SLC35F5: variants seen among roughly 807,000 people sequenced by gnomAD.
SLC35F5 encodes the protein solute carrier family 35 member F5.
A neutral mutation model predicts 68.6 loss-of-function variants in SLC35F5; 54 were observed. The observed-to-expected ratio is 0.79, with a 90% CI of 0.63 to 0.99. SLC35F5 has a LOEUF of 0.99. SLC35F5 is among the 50% of genes least tolerant of loss of function. SLC35F5 has a pLI of 0.00. For missense variants in SLC35F5, 567 were observed against 626.9 expected, an observed-to-expected ratio of 0.90 and a Z score of 1.02; for synonymous variants, 211 against 205.2, an observed-to-expected ratio of 1.03 and a Z score of -0.24.
intron 4 of SLC35F5, 78 bp downstream of exon 4, chr2:113,750,347 G>A: frequency 2.2e-6 from 3 of 1,333,638 alleles, no homozygotes; most frequent in Non-Finnish European, 3.0e-6. Flanking sequence ...CGTCCTTAAA[G>A]AAACTAATAC....
At position 113,708,135 on chromosome 2, in the gene SLC35F5, A is replaced by T. The variant is rs1316557353; in HGVS notation, c.*7083T>A. On this transcript the variant is annotated 3_prime_UTR_variant, in exon 16 of 16. Coordinates refer to ENST00000245680, the MANE Select transcript of SLC35F5 (RefSeq NM_025181.5). ...GGCACCCCACAGTCAGCAGTTTAAG[A>T]CCATTCTGGATGAATGCAAATGCTT... 6.6e-6 allele frequency among the ~76,000 whole-genome samples: 1 copy of T among 152,114 alleles called. No homozygotes were observed. Among genetic ancestry groups the T allele is most frequent in the East Asian group, 1.9e-4 (1 of 5,182 alleles).
intron 13 of SLC35F5, among the ~76,000 whole-genome samples, chr2:113,722,306 A>G (rs1212809431): frequency 1.3e-5 from 2 of 152,152 alleles, no homozygotes; most frequent in African/African-American, 4.8e-5. Flanking sequence ...TAAAATTTTG[A>G]TTATTGCTTG....
intron 6 of SLC35F5, 145 bp downstream of exon 6, chr2:113,743,568 C>A: frequency 3.6e-6 from 2 of 549,702 alleles, no homozygotes; most frequent in Non-Finnish European, 3.3e-6. Context: ...ATTCACAATC[C>A]AGTCAAACTT....
intron 9 of SLC35F5, among the ~76,000 whole-genome samples, chr2:113,731,950 G>T (rs1311335215): frequency 6.6e-6 from 1 of 152,072 alleles, no homozygotes; most frequent in South Asian, 2.1e-4. Context: ...ACTTGACCAA[G>T]ATCACATAGC....
rs980592940 is a variant in SLC35F5, at chr2:113,713,244, G to A, written c.*1974C>T. 6.6e-6 allele frequency: 1 copy of A among 152,190 alleles called. No individual in the cohort carries two copies. The highest frequency in any genetic ancestry group is 2.4e-5 in the African/African-American group (1 of 41,440). The allele number at this position is 152,190 out of a possible 1,614,324, so 9.4% of individuals were successfully genotyped here. On this transcript the variant is annotated 3_prime_UTR_variant, in exon 16 of 16. Coordinates refer to ENST00000245680, the MANE Select transcript of SLC35F5 (RefSeq NM_025181.5). Reference sequence around the variant, plus strand: ...TTTTTGTTTTTTAAGAAACAGAAAAGCAGCAGTATAATGAAAGAAGATTGG... The same window carrying A: ...TTTTTGTTTTTTAAGAAACAGAAAAACAGCAGTATAATGAAAGAAGATTGG...
At chr2:113,755,090 G>C (rs141329590) in intron 3 of SLC35F5, 75 bp downstream of exon 3, 1 of 1,428,272 alleles carries the variant, frequency 7.0e-7, no homozygotes. Flanking sequence ...AGATTGTAAC[G>C]GCTAGAGTTA....
At chr2:113,748,501 C>T (rs1327704471) in intron 4 of SLC35F5, among the ~76,000 whole-genome samples, 1 of 152,104 alleles carries the variant, frequency 6.6e-6, no homozygotes, top group Admixed American at 6.6e-5. Flanking sequence ...AAAATACACA[C>T]ATGAAAAGAA....
chr2:113,718,402 A>G (rs1488533597), intron 14 of SLC35F5, among the ~76,000 whole-genome samples: 1 of 152,198 alleles, frequency 6.6e-6, no homozygotes, highest in Admixed American at 6.5e-5. Context: ...TTTCATTCTT[A>G]AAAAGAAAGA....
chr2:113,704,449 G>A (rs1436511491), downstream of SLC35F5, among the ~76,000 whole-genome samples: 1 of 152,230 alleles, frequency 6.6e-6, no homozygotes, highest in African/African-American at 2.4e-5. Context: ...GGTAGTTGAT[G>A]GGACTGGGCA....
intron 4 of SLC35F5, among the ~76,000 whole-genome samples, chr2:113,748,587 C>A (rs1218553028): frequency 6.6e-6 from 1 of 152,120 alleles, no homozygotes; most frequent in Admixed American, 6.5e-5. Context: ...TTTTGTTTCT[C>A]TGTAGCGTCT....
chr2:113,723,033 A>G, intron 13 of SLC35F5, 71 bp downstream of exon 13: 1 of 1,021,740 alleles, frequency 9.8e-7, no homozygotes, highest in South Asian at 2.2e-5. Flanking sequence ...ATTTAATCAC[A>G]TCTCAACTTT....
intron 8 of SLC35F5, 138 bp from the exon 9 acceptor site, chr2:113,734,811 G>C: frequency 1.7e-6 from 1 of 603,816 alleles, no homozygotes; most frequent in East Asian, 2.8e-5. Context: ...CTAAGAAAAT[G>C]ACTGCAGTTA....
chr2:113,728,451 C>A (rs1687752048), intron 11 of SLC35F5, among the ~76,000 whole-genome samples: 1 of 152,144 alleles, frequency 6.6e-6, no homozygotes, highest in Admixed American at 6.5e-5. Flanking sequence ...TAAGAAAAAT[C>A]TTTACTATAA....
chr2:113,716,361 C>G (rs1687183048), intron 15 of SLC35F5, among the ~76,000 whole-genome samples: 1 of 152,186 alleles, frequency 6.6e-6, no homozygotes, highest in Non-Finnish European at 1.5e-5. Context: ...AGGGTAGTAA[C>G]AGAGAATCTC....
intron 11 of SLC35F5, among the ~76,000 whole-genome samples, chr2:113,727,727 A>AATCCTGTC (rs544741258): frequency 1.5e-3 from 225 of 152,288 alleles, no homozygotes; most frequent in African/African-American, 4.1e-3. Flanking sequence ...AACTTCTCCG[A>AATCCTGTC]ATCCTGTCTA....
rs1687516302 is a variant in SLC35F5 at position 113,723,152 on chromosome 2, TAGTGCA to T, written c.1287_1292del (p.Ala430_Leu431del). 2 of 1,595,492 alleles carry T rather than the reference TAGTGCA, an allele frequency of 1.3e-6. No individual in the cohort carries two copies. The highest frequency in any genetic ancestry group is 1.7e-6 in the Non-Finnish European group (2 of 1,171,224). On this transcript the variant is annotated inframe_deletion, in exon 13 of 16. Coordinates refer to ENST00000245680, the MANE Select transcript of SLC35F5 (RefSeq NM_025181.5). ...TTATGGACAGAGGTATTGTAAGGCT[TAGTGCA>T]AGTGTGCCTATCAATGATGAGGTAA...
chr2:113,751,458 G>A (rs1676734321), intron 3 of SLC35F5, among the ~76,000 whole-genome samples: 1 of 152,152 alleles, frequency 6.6e-6, no homozygotes, highest in Non-Finnish European at 1.5e-5. Flanking sequence ...TGACAATCCA[G>A]GAGGAAAGTG....
At chr2:113,715,833 T>A (rs1390473293) in intron 15 of SLC35F5, among the ~76,000 whole-genome samples, 2 of 152,168 alleles carry the variant, frequency 1.3e-5, no homozygotes, top group Non-Finnish European at 2.9e-5. Context: ...TGATGTTAAG[T>A]GAGGACTTAC....
chr2:113,732,699 T>C (rs1687945345), intron 9 of SLC35F5, among the ~76,000 whole-genome samples: 1 of 152,206 alleles, frequency 6.6e-6, no homozygotes, highest in African/African-American at 2.4e-5. Context: ...ATGATGATTA[T>C]GATAATGGCT....
Sources: allele counts gnomAD v4.1 joint callset (sites outside exome capture counted in the v4.1 genomes callset), GRCh38; gene constraint gnomAD v4.1.1; transcripts MANE v1.5; gene names NCBI Gene and HGNC (gene_info 2026-07-23, HGNC 2026-07-21).